DDHD2: variants seen among roughly 807,000 people sequenced by gnomAD.
DDHD2 encodes DDHD domain containing 2, also known as triacylglycerol hydrolase DDHD2.
Under a neutral mutation model 91.2 loss-of-function variants are expected in DDHD2, and 62 were observed. The observed-to-expected ratio is 0.68, with a 90% CI of 0.55 to 0.84. The LOEUF is 0.84. Ranked by LOEUF, DDHD2 falls within the 40% of genes least tolerant of loss-of-function variation. The probability of loss-of-function intolerance (pLI) is 0.00; values close to 1 mark genes in which losing one functional copy is unlikely to be tolerated. For missense variants in DDHD2, 740 were observed against 846.9 expected, an observed-to-expected ratio of 0.87 and a Z score of 1.57; for synonymous variants, 271 against 293.9, an observed-to-expected ratio of 0.92 and a Z score of 0.80.
At chr8:38,235,645 C>T (rs986096875) in intron 3 of DDHD2, among the ~76,000 whole-genome samples, 2 of 148,460 alleles carry the variant, frequency 1.3e-5, no homozygotes, top group African/African-American at 2.5e-5. Flanking sequence ...TGCTTGAACC[C>T]GGGAGGTGGA....
intron 9 of DDHD2, among the ~76,000 whole-genome samples, 188 bp downstream of exon 9, chr8:38,246,488 T>C (rs1437921934): frequency 1.3e-5 from 2 of 152,250 alleles, no homozygotes; most frequent in African/African-American, 4.8e-5. Flanking sequence ...GATAGTAACA[T>C]GCTTCTACAA....
chr8:38,264,734 T>TA, downstream of DDHD2: 2 of 1,443,552 alleles, frequency 1.4e-6, no homozygotes, highest in Non-Finnish European at 1.8e-6. Flanking sequence ...ATTCCAGACT[T>TA]ATGATTTCTA....
At chr8:38,258,066 G>A (rs1806673035) in intron 16 of DDHD2, among the ~76,000 whole-genome samples, 1 of 152,024 alleles carries the variant, frequency 6.6e-6, no homozygotes, top group Non-Finnish European at 1.5e-5. Flanking sequence ...GAATTCCTGG[G>A]CTCAAGCAAT....
At chr8:38,249,029 C>T (rs1251912252) in intron 10 of DDHD2, among the ~76,000 whole-genome samples, 4 of 151,746 alleles carry the variant, frequency 2.6e-5, no homozygotes, top group African/African-American at 7.3e-5. Flanking sequence ...TGTATGTTCT[C>T]AGTGCTTGCG....
intron 3 of DDHD2, 58 bp downstream of exon 3, chr8:38,234,642 C>T: frequency 3.6e-6 from 5 of 1,384,038 alleles, no homozygotes; most frequent in Non-Finnish European, 4.9e-6. Context: ...ATAATCTTTT[C>T]TTTCCTTTGT....
chr8:38,237,444 A>G, intron 3 of DDHD2, 94 bp from the exon 4 acceptor site: 1 of 616,560 alleles, frequency 1.6e-6, no homozygotes. Flanking sequence ...GGATATTCTT[A>G]TTGAAACTCA....
intron 8 of DDHD2, 83 bp downstream of exon 8, chr8:38,246,033 G>A: frequency 7.1e-7 from 1 of 1,411,142 alleles, no homozygotes. Flanking sequence ...TCTTTTATCA[G>A]TATGAAATTC....
downstream of DDHD2, chr8:38,263,361 C>T (rs1232790129): frequency 1.0e-6 from 1 of 984,820 alleles, no homozygotes; most frequent in East Asian, 1.1e-4. Flanking sequence ...TGTCATTTTT[C>T]TTTTCTACCT....
At chr8:38,233,563 CGT>C (rs932444235) in intron 2 of DDHD2, among the ~76,000 whole-genome samples, 7 of 151,226 alleles carry the variant, frequency 4.6e-5, no homozygotes, top group African/African-American at 1.7e-4. Flanking sequence ...GGATTACAGG[CGT>C]GTTACACCCT....
chr8:38,237,517 T>A, intron 3 of DDHD2, 21 bp from the exon 4 acceptor site: 2 of 1,336,934 alleles, frequency 1.5e-6, no homozygotes, highest in Non-Finnish European at 2.1e-6. Context: ...AGAACTCTAA[T>A]GAAATGTGTT....
At chr8:38,272,404 G>C (rs1416311602), downstream of DDHD2, 1 of 152,234 alleles carries the variant, frequency 6.6e-6, no homozygotes, top group Non-Finnish European at 1.5e-5. Context: ...AGACATTAAA[G>C]AGGTGAATCA....
chr8:38,234,575 A>G lies in DDHD2; in HGVS notation c.402A>G (p.Gln134=). ...TTCCCTACTCGGAGAGCTTCAGCCAAGTTTTAGAGGTATTCTTTTGACTCT... is the reference window on the plus strand; with the variant it reads ...TTCCCTACTCGGAGAGCTTCAGCCAGGTTTTAGAGGTATTCTTTTGACTCT... ...KYVPYSESFS[Q]VLEETYMLAV... is the part of the protein sequence containing the mutation. Residue 134 remains glutamine (Q), a synonymous_variant, in exon 3 of 18, where the codon CAA becomes CAG. Coordinates refer to ENST00000397166, the MANE Select transcript of DDHD2 (RefSeq NM_015214.3). 1 of 1,607,262 alleles carries G rather than the reference A, an allele frequency of 6.2e-7. No individual in the cohort carries two copies. The highest frequency in any genetic ancestry group is 8.5e-7 in the Non-Finnish European group (1 of 1,178,312).
chr8:38,268,174 A>G, intron 1 of DDHD2: 2 of 1,222,438 alleles, frequency 1.6e-6, no homozygotes, highest in African/African-American at 1.5e-5. Context: ...AACCCAGTGC[A>G]TTTAGGCACA....
Position 38,249,696 on chromosome 8 carries a change from T to A in DDHD2, c.1249-12T>A, listed in dbSNP as rs1403966100. 1 of 1,586,432 alleles carries A rather than the reference T, an allele frequency of 6.3e-7. No individual in the cohort carries two copies. Among genetic ancestry groups the A allele is most frequent in the Non-Finnish European group, 8.6e-7 (1 of 1,160,748 alleles). On this transcript the variant is annotated splice_polypyrimidine_tract_variant and intron_variant, in intron 10 of 17. Coordinates refer to ENST00000397166, the MANE Select transcript of DDHD2 (RefSeq NM_015214.3). ...GTCTAGAAATAAGAAAGACTTGATTTTCTATGCCTAGGCTTTATGTACAGA... is the reference window on the plus strand; with the variant it reads ...GTCTAGAAATAAGAAAGACTTGATTATCTATGCCTAGGCTTTATGTACAGA...
At chr8:38,255,053 G>A (rs762597074) in intron 16 of DDHD2, among the ~76,000 whole-genome samples, 14 of 152,058 alleles carry the variant, frequency 9.2e-5, no homozygotes, top group Non-Finnish European at 1.5e-4. Flanking sequence ...CAATTAGCCA[G>A]GTGTGGTGGT....
intron 9 of DDHD2, chr8:38,246,768 G>C: frequency 6.1e-6 from 1 of 164,780 alleles, no homozygotes; most frequent in South Asian, 1.7e-4. Context: ...CTTGAACCTG[G>C]GAGGTGGAGG....
Position 38,257,376 on chromosome 8 carries a change from G to A in DDHD2, c.2055-2664G>A, listed in dbSNP as rs1052656870. Among the ~76,000 whole-genome samples the A allele has an allele frequency of 5.4e-5, 8 of 148,462 alleles. No individual in the cohort carries two copies. The East Asian group carries it at 1.6e-3, about 30-fold the overall frequency. The stretch of plus-strand genomic sequence containing the variant: ...CAATTCTTGTACCTCAGCTTCCTGA[G>A]TAGCTGGGATTACAGGTGTGCGCTA... On this transcript the variant is annotated intron_variant, in intron 16 of 17. Transcript: ENST00000397166.
At chr8:38,265,947 A>C (rs1358081224), downstream of DDHD2, among the ~76,000 whole-genome samples, 1 of 152,244 alleles carries the variant, frequency 6.6e-6, no homozygotes, top group African/African-American at 2.4e-5. Flanking sequence ...AAAAATTAGG[A>C]TGTTTATCTT....
At position 38,249,693 on chromosome 8, in the gene DDHD2, A is replaced by T; in HGVS notation, c.1249-15A>T. The T allele has an allele frequency of 6.3e-7, 1 of 1,581,320 alleles. No homozygotes were observed. Among genetic ancestry groups the T allele is most frequent in the Non-Finnish European group, 8.6e-7 (1 of 1,156,798 alleles). ...TTTGTCTAGAAATAAGAAAGACTTG[A>T]TTTTCTATGCCTAGGCTTTATGTAC... On this transcript the variant is annotated splice_polypyrimidine_tract_variant and intron_variant, in intron 10 of 17. Transcript: ENST00000397166.
Sources: allele counts gnomAD v4.1 joint callset (sites outside exome capture counted in the v4.1 genomes callset), GRCh38; gene constraint gnomAD v4.1.1; transcripts MANE v1.5; gene names NCBI Gene and HGNC (gene_info 2026-07-23, HGNC 2026-07-21).